The following SMG5 variants were observed in gnomAD, a reference collection of about 807,000 sequenced individuals.
The protein encoded by SMG5 is nonsense-mediated mRNA decay factor SMG5.
Under a neutral mutation model 122.9 loss-of-function variants are expected in SMG5, and 53 were observed. That is an observed-to-expected ratio of 0.43 (90% CI 0.35 to 0.54). The LOEUF is 0.54. SMG5 is among the 20% of genes least tolerant of loss of function. The probability of loss-of-function intolerance (pLI) is 0.01; values close to 1 mark genes in which losing one functional copy is unlikely to be tolerated. For synonymous variants in SMG5, 477 were observed against 490.2 expected (o/e 0.97, Z 0.35); for missense variants, 1,153 against 1,285.6 (o/e 0.90, Z 1.58).
Position 156,268,371 on chromosome 1 carries a change from T to C in SMG5, c.758A>G (p.Lys253Arg), listed in dbSNP as rs374471781. ...TTTGGCTGCCTTGTCATACAGCCGC[T>C]TGAGGTTCCCATAGGCTCCCTCAAA... ...VSFEGAYGNL[K>R]RLYDKAAKMY... The change falls in exon 8 of 22, where the codon AAG (lysine) becomes AGG (arginine). Residue 253 changes from lysine (K) to arginine (R), a missense_variant. Lys to Arg is a conservative substitution (Grantham distance 26). Transcript: ENST00000361813. 2.5e-6 allele frequency: 4 copies of C among 1,614,068 alleles called. No individual in the cohort carries two copies. In the African/African-American group the frequency reaches 5.3e-5, roughly 22 times the overall value.
upstream of SMG5, chr1:156,285,763 G>A (rs765323070): frequency 6.2e-7 from 1 of 1,613,368 alleles, no homozygotes; most frequent in Non-Finnish European, 8.5e-7. Flanking sequence ...AGGCAGTGGT[G>A]AGGCCGCCTG....
At chr1:156,263,979 T>A (rs1661988897) in intron 12 of SMG5, among the ~76,000 whole-genome samples, 1 of 151,756 alleles carries the variant, frequency 6.6e-6, no homozygotes, top group African/African-American at 2.4e-5. Flanking sequence ...TTTAAAAGAG[T>A]TACTTTCAGG....
At chr1:156,255,657 A>C (rs889708829) in intron 16 of SMG5, among the ~76,000 whole-genome samples, 4 of 152,332 alleles carry the variant, frequency 2.6e-5, no homozygotes, top group African/African-American at 9.6e-5. Context: ...AGGCCGAGGC[A>C]GGAGGACTGC....
At chr1:156,252,896 C>T in intron 18 of SMG5, 23 bp downstream of exon 18, 1 of 1,549,456 alleles carries the variant, frequency 6.5e-7, no homozygotes, top group South Asian at 1.2e-5. Context: ...TACTCTGTCT[C>T]CTTACCTCTC....
chr1:156,288,165 T>C, the SMG5 span, among the ~76,000 whole-genome samples: 5 of 147,810 alleles, frequency 3.4e-5, no homozygotes, highest in Non-Finnish European at 7.4e-5. Flanking sequence ...GCCACTGCAG[T>C]CTGGCCTGGG....
chr1:156,276,188 G>A (rs556522886), intron 4 of SMG5, among the ~76,000 whole-genome samples: 199 of 148,594 alleles, frequency 1.3e-3, no homozygotes, highest in African/African-American at 4.7e-3. Flanking sequence ...GTGCAGTGGC[G>A]TGATCTTGGC....
the SMG5 span, among the ~76,000 whole-genome samples, chr1:156,289,340 G>T: frequency 6.6e-6 from 1 of 152,138 alleles, no homozygotes; most frequent in African/African-American, 2.4e-5. Flanking sequence ...CGGGTGTGGT[G>T]ATGGGCGCCT....
chr1:156,279,672 A>C (rs1662843604), intron 1 of SMG5, among the ~76,000 whole-genome samples: 1 of 152,212 alleles, frequency 6.6e-6, no homozygotes, highest in African/African-American at 2.4e-5. Flanking sequence ...GGAATGAATA[A>C]ATTATTACAT....
chr1:156,282,540 G>A, intron 1 of SMG5, 67 bp downstream of exon 1: 2 of 1,515,746 alleles, frequency 1.3e-6, no homozygotes, highest in Non-Finnish European at 1.8e-6. Flanking sequence ...GCCCGCCCGG[G>A]AGGCCCCGCC....
the SMG5 span, among the ~76,000 whole-genome samples, chr1:156,287,857 A>G: frequency 6.6e-6 from 1 of 151,832 alleles, no homozygotes; most frequent in Non-Finnish European, 1.5e-5. Flanking sequence ...ACCTCAGGTG[A>G]TCTGCCCGCC....
At chr1:156,253,381 C>T in intron 17 of SMG5, 68 bp downstream of exon 17, 1 of 1,516,788 alleles carries the variant, frequency 6.6e-7, no homozygotes. Context: ...AAGGGGGAGA[C>T]CTGCCAGTAG....
Position 156,252,374 on chromosome 1 carries a change from G to GC in SMG5, c.2753+39_2753+40insG, listed in dbSNP as rs1239547502. ...ATAAGCATGTGTTATCCAAAAGACA[G>GC]ACCCAGGGCTCAGCACAGGTCCAGC... On this transcript the variant is annotated intron_variant, in intron 19 of 21. Coordinates refer to ENST00000361813, the MANE Select transcript of SMG5 (RefSeq NM_015327.3). 3 of 1,595,232 alleles carry GC rather than the reference G, an allele frequency of 1.9e-6. No individual in the cohort carries two copies. The South Asian group carries it at 3.3e-5, about 18-fold the overall frequency.
rs547375276 is a variant in SMG5, at chr1:156,265,843, G to C, written c.1793C>G (p.Pro598Arg). The change falls in exon 12 of 22, where the codon CCT becomes CGT. Residue 598 changes from proline to arginine, a missense_variant. Coordinates refer to ENST00000361813, the MANE Select transcript of SMG5 (RefSeq NM_015327.3). Reference protein sequence around the residue: ...SNLLLQPTTNPHTSASHRPCV... With the variant: ...SNLLLQPTTNRHTSASHRPCV... ...AGGCCTGTGGCTGGCCGAGGTATGA[G>C]GGTTGGTGGTGGGCTGGAGGAGCAG... The C allele has an allele frequency of 1.9e-6, 3 of 1,614,216 alleles. No homozygotes were observed. Among genetic ancestry groups the C allele is most frequent in the East Asian group, 4.5e-5 (2 of 44,882 alleles).
chr1:156,272,915 C>T (rs929490506), intron 6 of SMG5, among the ~76,000 whole-genome samples: 2 of 152,138 alleles, frequency 1.3e-5, no homozygotes, highest in South Asian at 4.1e-4. Flanking sequence ...GTGTGACAGG[C>T]GTTACCTGAA....
intron 20 of SMG5, 78 bp from the exon 21 acceptor site, chr1:156,251,074 C>A: frequency 6.4e-7 from 1 of 1,560,234 alleles, no homozygotes. Flanking sequence ...CTCCAGGGGA[C>A]AGGGGCAGCT....
chr1:156,262,973 A>T (rs550929389), intron 13 of SMG5, among the ~76,000 whole-genome samples: 6 of 152,286 alleles, frequency 3.9e-5, no homozygotes, highest in Admixed American at 3.3e-4. Context: ...GACTCTCCTT[A>T]AGCTGTTCCC....
intron 6 of SMG5, 138 bp from the exon 7 acceptor site, chr1:156,272,536 T>TA (rs750246161): frequency 1.5e-6 from 1 of 664,638 alleles, no homozygotes; most frequent in Non-Finnish European, 2.7e-6. Context: ...CTCAGGTGAT[T>TA]AGCAGCTTAA....
chr1:156,285,947 C>T (rs766683496), upstream of SMG5: 11 of 1,611,620 alleles, frequency 6.8e-6, no homozygotes, highest in South Asian at 2.2e-5. Flanking sequence ...CTACACACTG[C>T]GCTGCGGGGT....
At chr1:156,269,277 A>G (rs1026639090) in intron 7 of SMG5, among the ~76,000 whole-genome samples, 1 of 151,912 alleles carries the variant, frequency 6.6e-6, no homozygotes, top group Non-Finnish European at 1.5e-5. Flanking sequence ...GCCCCAGCTC[A>G]TTTTTTAACT....
Sources: gnomAD v4.1 joint callset for allele counts (sites outside exome capture counted in the v4.1 genomes callset) on GRCh38, gnomAD v4.1.1 for gene constraint, MANE v1.5 for transcripts, NCBI Gene and HGNC (gene_info 2026-07-23, HGNC 2026-07-21) for gene names.